The following RBMS1 variants were observed in gnomAD, a reference collection of about 807,000 sequenced individuals.
RBMS1 encodes RNA-binding motif, single-stranded-interacting protein 1.
In RBMS1, 17 loss-of-function variants were observed where a neutral mutation model predicts 62.3. The observed-to-expected ratio is 0.27, with a 90% CI of 0.19 to 0.41. The LOEUF is 0.41. Among genes scored for constraint, RBMS1 ranks in the 10% least tolerant of loss-of-function variants. RBMS1 has a pLI of 1.00. For synonymous variants in RBMS1, 172 were observed against 170.0 expected (o/e 1.01, Z -0.09); for missense variants, 334 against 504.5 (o/e 0.66, Z 3.24).
At chr2:160,332,019 T>C (rs1340255652) in intron 2 of RBMS1, among the ~76,000 whole-genome samples, 3 of 152,224 alleles carry the variant, frequency 2.0e-5, no homozygotes, top group Admixed American at 2.0e-4. Flanking sequence ...TGAAATGGTC[T>C]TTCTTTTTAA....
At chr2:160,483,665 A>T (rs911648634) in intron 1 of RBMS1, among the ~76,000 whole-genome samples, 1 of 152,196 alleles carries the variant, frequency 6.6e-6, no homozygotes, top group African/African-American at 2.4e-5. Context: ...CGATGGTCAC[A>T]CTGGTGCATC....
chr2:160,325,239 C>T (rs1459317309), intron 2 of RBMS1, among the ~76,000 whole-genome samples: 1 of 152,084 alleles, frequency 6.6e-6, no homozygotes, highest in East Asian at 1.9e-4. Flanking sequence ...TCCGTAATTG[C>T]TAAGGTCCTT....
chr2:160,422,807 C>A (rs1348450285), intron 1 of RBMS1, among the ~76,000 whole-genome samples: 1 of 152,158 alleles, frequency 6.6e-6, no homozygotes, highest in Non-Finnish European at 1.5e-5. Flanking sequence ...ACCTCCCAGG[C>A]AAATCATACT....
In RBMS1 at chr2:160,272,920, C is replaced by T. The variant is rs1333208400; in HGVS notation, c.*1852G>A. The T allele has an allele frequency of 2.6e-5, 4 of 152,114 alleles. No individual in the cohort carries two copies. The highest frequency in any genetic ancestry group is 5.9e-5 in the Non-Finnish European group (4 of 68,016). 9.4% of individuals were successfully genotyped at this position (152,114 alleles called of 1,614,324 possible). A position where few individuals can be genotyped will look rare whatever the true frequency, so the allele number is the denominator to read the frequency against. ...ACTAAAAAATACTTGAAAGAAATAACTGCTTAGCCCTAGCTCCTGAGCTAG... is the reference window on the plus strand; with the variant it reads ...ACTAAAAAATACTTGAAAGAAATAATTGCTTAGCCCTAGCTCCTGAGCTAG... On this transcript the variant is annotated 3_prime_UTR_variant, in exon 14 of 14. Transcript: ENST00000348849.
At chr2:160,339,737 C>T in intron 2 of RBMS1, among the ~76,000 whole-genome samples, 1 of 152,072 alleles carries the variant, frequency 6.6e-6, no homozygotes, top group East Asian at 1.9e-4. Flanking sequence ...CACATACATA[C>T]ACGTATATAT....
intron 1 of RBMS1, among the ~76,000 whole-genome samples, chr2:160,473,996 T>C (rs1559596509): frequency 6.6e-6 from 1 of 152,196 alleles, no homozygotes; most frequent in Non-Finnish European, 1.5e-5. Flanking sequence ...AGTTTTATCT[T>C]TATATTTTCA....
intron 1 of RBMS1, among the ~76,000 whole-genome samples, chr2:160,377,319 T>TA (rs1358547633): frequency 6.6e-6 from 1 of 152,204 alleles, no homozygotes; most frequent in Non-Finnish European, 1.5e-5. Context: ...TACTTCCCAC[T>TA]AATATTGCCA....
intron 1 of RBMS1, among the ~76,000 whole-genome samples, chr2:160,446,385 A>T (rs977519937): frequency 6.6e-6 from 1 of 152,008 alleles, no homozygotes; most frequent in African/African-American, 2.4e-5. Context: ...TGCTGAGCCC[A>T]TATCTGTCTC....
intron 2 of RBMS1, among the ~76,000 whole-genome samples, chr2:160,323,348 C>T (rs903266388): frequency 2.0e-5 from 3 of 151,704 alleles, no homozygotes; most frequent in Non-Finnish European, 4.4e-5. Flanking sequence ...TGGTGGTGCA[C>T]GCCTGTAGTC....
chr2:160,450,564 G>A (rs148240614), intron 1 of RBMS1, among the ~76,000 whole-genome samples: 1,086 of 56,158 alleles, frequency 0.019, 18 homozygotes, highest in East Asian at 0.041. Context: ...AATAAAAAAT[G>A]AAAAAAAAAA....
chr2:160,410,968 T>A (rs1368058004), intron 1 of RBMS1, among the ~76,000 whole-genome samples: 2 of 152,180 alleles, frequency 1.3e-5, no homozygotes, highest in Admixed American at 1.3e-4. Flanking sequence ...GGTCTCGATC[T>A]CTTGACCTCG....
intron 1 of RBMS1, among the ~76,000 whole-genome samples, chr2:160,389,902 TAA>T (rs1290776256): frequency 6.6e-6 from 1 of 151,730 alleles, no homozygotes; most frequent in Admixed American, 6.6e-5. Context: ...TGAGAAAAAC[TAA>T]AGAGAGGCCC....
At chr2:160,345,730 G>T (rs1008442583) in intron 2 of RBMS1, among the ~76,000 whole-genome samples, 1 of 152,134 alleles carries the variant, frequency 6.6e-6, no homozygotes, top group African/African-American at 2.4e-5. Context: ...GCAGAATGGG[G>T]ATAATATTCA....
At chr2:160,432,926 C>T (rs906073400) in intron 1 of RBMS1, among the ~76,000 whole-genome samples, 1 of 152,094 alleles carries the variant, frequency 6.6e-6, no homozygotes, top group Non-Finnish European at 1.5e-5. Context: ...GCCCAACTAC[C>T]CAGAACAGAG....
chr2:160,313,521 G>T (rs865854463), intron 3 of RBMS1, among the ~76,000 whole-genome samples: 5 of 151,598 alleles, frequency 3.3e-5, no homozygotes, highest in East Asian at 1.9e-4. Flanking sequence ...ATTTACTGGT[G>T]GGGGGGAGAC....
In RBMS1 at chr2:160,363,881, A is replaced by G. The variant is rs367592117; in HGVS notation, c.251+3335T>C. Reference sequence around the variant, plus strand: ...GAAAACAGAAACCAGAAGGGCAGAGAGTTGAGCAGGAGAGGGATGAGAGTG... The same window carrying G: ...GAAAACAGAAACCAGAAGGGCAGAGGGTTGAGCAGGAGAGGGATGAGAGTG... On this transcript the variant is annotated intron_variant, in intron 2 of 13. Coordinates refer to ENST00000348849, the MANE Select transcript of RBMS1 (RefSeq NM_016836.4). Among the ~76,000 whole-genome samples, 28 of 152,230 alleles carry G rather than the reference A, an allele frequency of 1.8e-4. 1 individual carries two copies. The highest frequency in any genetic ancestry group is 1.5e-3 in the East Asian group (8 of 5,178).
chr2:160,283,587 CT>C (rs1308023548), intron 9 of RBMS1: 3 of 152,184 alleles, frequency 2.0e-5, no homozygotes, highest in African/African-American at 7.2e-5. Context: ...TATCTAATCA[CT>C]TCTGTTATTC....
At chr2:160,344,122 C>CT (rs1224118755) in intron 2 of RBMS1, among the ~76,000 whole-genome samples, 1 of 152,076 alleles carries the variant, frequency 6.6e-6, no homozygotes, top group Non-Finnish European at 1.5e-5. Flanking sequence ...CATTTTCTTT[C>CT]TTTTAACCTG....
chr2:160,342,698 G>C (rs551441731), intron 2 of RBMS1, among the ~76,000 whole-genome samples: 1 of 150,286 alleles, frequency 6.7e-6, no homozygotes, highest in Non-Finnish European at 1.5e-5. Flanking sequence ...GGCGGATCAC[G>C]TGAGGTCAGG....
Sources: gnomAD v4.1 joint callset for allele counts (sites outside exome capture counted in the v4.1 genomes callset) on GRCh38, gnomAD v4.1.1 for gene constraint, MANE v1.5 for transcripts, NCBI Gene and HGNC (gene_info 2026-07-23, HGNC 2026-07-21) for gene names.